The following UBE2V1 variants were observed in gnomAD, a reference collection of about 807,000 sequenced individuals.
The protein encoded by UBE2V1 is ubiquitin conjugating enzyme E2 V1, also known as ubiquitin-conjugating enzyme E2 variant 1.
UBE2V1 carries 15 observed loss-of-function variants against 19.6 expected under a neutral mutation model. The observed-to-expected ratio is 0.77, with a 90% confidence interval of 0.51 to 1.18. The LOEUF is 1.18. Ranked by LOEUF, UBE2V1 falls within the 50% of genes most tolerant of loss-of-function variation. The pLI is 0.00. For missense variants in UBE2V1, 125 were observed against 184.8 expected (o/e 0.68, Z 1.88); for synonymous variants, 60 against 60.7 (o/e 0.99, Z 0.05).
chr20:50,089,248 G>A (rs1270444848), intron 2 of UBE2V1, among the ~76,000 whole-genome samples: 3 of 152,184 alleles, frequency 2.0e-5, no homozygotes, highest in Non-Finnish European at 1.5e-5. Context: ...GGCTAAGGAA[G>A]AGGTCTGAAG....
Position 50,111,338 on chromosome 20 carries a change from C to T in UBE2V1, c.22+1769G>A, listed in dbSNP as rs1006719463. On this transcript the variant is annotated intron_variant, in intron 1 of 3. Coordinates refer to ENST00000371674, the MANE Select transcript of UBE2V1 (RefSeq NM_001032288.3). ...AGTTAGAACCGGGCAGCTGTTAACC[C>T]AGATTGTAGGTAGCCAACCGAGTGA... is the stretch of plus-strand genomic sequence containing the variant. The T allele has an allele frequency of 3.3e-5, 33 of 996,644 alleles. No individual in the cohort carries two copies. The African/African-American group carries it at 5.6e-4, about 17-fold the overall frequency. 61.7% of individuals were successfully genotyped at this position (996,644 alleles called of 1,614,324 possible). A position where few individuals can be genotyped will look rare whatever the true frequency, so the allele number is the denominator to read the frequency against.
rs1453217927 is a variant in UBE2V1 at position 50,093,998 on chromosome 20, A to T, written c.171+2674T>A. ...GCGAGACTCCAACTCAAAAAAAAAA[A>T]AAAAAAAAAAAAAATAATAATAATA... On this transcript the variant is annotated intron_variant, in intron 2 of 3. Transcript: ENST00000371674. 2.8e-3 allele frequency among the ~76,000 whole-genome samples: 357 copies of T among 128,192 alleles called. 4 individuals are homozygous for T. Among genetic ancestry groups the T allele is most frequent in the African/African-American group, 0.011 (343 of 30,922 alleles). 84.1% of individuals were successfully genotyped at this position (128,192 alleles called of 152,430 possible).
intron 1 of UBE2V1, among the ~76,000 whole-genome samples, chr20:50,107,890 G>A (rs534479624): frequency 3.9e-5 from 6 of 152,330 alleles, no homozygotes; most frequent in Admixed American, 1.3e-4. Context: ...AAAACAAGAA[G>A]CTGTGACAAT....
intron 2 of UBE2V1, among the ~76,000 whole-genome samples, chr20:50,085,804 C>T (rs2078881083): frequency 6.6e-6 from 1 of 152,176 alleles, no homozygotes; most frequent in Non-Finnish European, 1.5e-5. Context: ...CCTCTTCCTC[C>T]TCAGTGAATG....
intron 1 of UBE2V1, among the ~76,000 whole-genome samples, chr20:50,103,443 T>C (rs1275153242): frequency 6.6e-6 from 1 of 152,178 alleles, no homozygotes; most frequent in Non-Finnish European, 1.5e-5. Context: ...TCCCACTCTG[T>C]TACCCAGGCT....
At chr20:50,102,972 C>G (rs2080102734) in intron 1 of UBE2V1, among the ~76,000 whole-genome samples, 1 of 152,236 alleles carries the variant, frequency 6.6e-6, no homozygotes, top group Admixed American at 6.5e-5. Context: ...GAATGGCTGA[C>G]TGGTTCCCTT....
intron 2 of UBE2V1, chr20:50,095,745 G>T (rs2079579821): frequency 6.6e-6 from 1 of 152,244 alleles, no homozygotes; most frequent in Non-Finnish European, 1.5e-5. Context: ...CTTACTGCTT[G>T]TCTGAAGTGT....
intron 1 of UBE2V1, 117 bp downstream of exon 1, chr20:50,112,990 C>T (rs939079427): frequency 8.4e-5 from 37 of 443,028 alleles, no homozygotes; most frequent in African/African-American, 6.3e-4. Context: ...GCCGCGGAGC[C>T]CAGCAGACAG....
At position 50,096,792 on chromosome 20, in the gene UBE2V1, C is replaced by T. The variant is rs149484983; in HGVS notation, c.51G>A (p.Leu17=). Reference sequence around the variant, plus strand: ...TCTGGCCTTCTTCGAGTTCTTCCAACAGTCGGAAATTGCGAGGGACTTTTA... The same window carrying T: ...TCTGGCCTTCTTCGAGTTCTTCCAATAGTCGGAAATTGCGAGGGACTTTTA... ...SGVKVPRNFR[L]LEELEEGQKG... Residue 17 remains leucine (L), a synonymous_variant, in exon 2 of 4, where the codon CTG becomes CTA. Coordinates refer to ENST00000371674, the MANE Select transcript of UBE2V1 (RefSeq NM_001032288.3). 6.9e-5 allele frequency: 111 copies of T among 1,613,968 alleles called. No homozygotes were observed. The highest frequency in any genetic ancestry group is 5.2e-4 in the Admixed American group (31 of 60,002).
At chr20:50,115,428 G>T, upstream of UBE2V1, 3 of 1,451,048 alleles carry the variant, frequency 2.1e-6, no homozygotes, top group South Asian at 2.8e-5. Context: ...TGGACTTGGG[G>T]TCACTGTAAA....
rs78339556 is a variant in UBE2V1 at position 50,107,583 on chromosome 20, G to A, written c.22+5524C>T. Reference sequence around the variant, plus strand: ...ACCTCTATAAATACCACCAAATAAGGATAAGAGTTTCAGTTTTTTGAAAGG... The same window carrying A: ...ACCTCTATAAATACCACCAAATAAGAATAAGAGTTTCAGTTTTTTGAAAGG... On this transcript the variant is annotated intron_variant, in intron 1 of 3. Coordinates refer to ENST00000371674, the MANE Select transcript of UBE2V1 (RefSeq NM_001032288.3). Among the ~76,000 whole-genome samples the A allele has an allele frequency of 6.2e-3, 949 of 152,230 alleles. 19 individuals carry two copies. The highest frequency in any genetic ancestry group is 0.022 in the African/African-American group (903 of 41,544).
intron 2 of UBE2V1, among the ~76,000 whole-genome samples, chr20:50,089,005 G>C (rs911805914): frequency 1.3e-5 from 2 of 152,128 alleles, no homozygotes; most frequent in Admixed American, 6.5e-5. Context: ...TAACTGTTGG[G>C]GAGAAGAGTG....
chr20:50,108,158 T>C (rs2080512592), intron 1 of UBE2V1, among the ~76,000 whole-genome samples: 1 of 152,222 alleles, frequency 6.6e-6, no homozygotes, highest in Non-Finnish European at 1.5e-5. Flanking sequence ...TTCTGTCTCC[T>C]GTATAGAAAA....
At chr20:50,090,537 T>G (rs369343664) in intron 2 of UBE2V1, among the ~76,000 whole-genome samples, 1 of 151,128 alleles carries the variant, frequency 6.6e-6, no homozygotes, top group African/African-American at 2.4e-5. Context: ...AAGGACATTA[T>G]GCTAAGTGAA....
rs1335617435 is a variant in UBE2V1 at position 50,103,815 on chromosome 20, G to A, written c.23-6995C>T. On this transcript the variant is annotated intron_variant, in intron 1 of 3. Coordinates refer to ENST00000371674, the MANE Select transcript of UBE2V1 (RefSeq NM_001032288.3). Reference sequence around the variant, plus strand: ...CCCAAACACCTTTACTTCCACACAGGCATGTGTGGTATGTTTTCTTTACAT... The same window carrying A: ...CCCAAACACCTTTACTTCCACACAGACATGTGTGGTATGTTTTCTTTACAT... Among the ~76,000 whole-genome samples the A allele has an allele frequency of 3.3e-5, 5 of 152,028 alleles. No individual in the cohort carries two copies. The East Asian group carries it at 5.8e-4, about 18-fold the overall frequency.
Position 50,113,109 on chromosome 20 carries a change from G to T in UBE2V1, c.20C>A (p.Ser7Ter). Residue 7 changes from serine (S) to a stop codon, truncating the protein, a stop_gained and splice_region_variant, in exon 1 of 4, where the codon TCG becomes TAG. Coordinates refer to ENST00000371674, the MANE Select transcript of UBE2V1 (RefSeq NM_001032288.3). LOFTEE classifies it high-confidence loss of function. MAATTG[S>*]GVKVPRNFRL... ...CCGGGCCCGGCGCCCCCGCTCACCC[G>T]AGCCCGTGGTGGCTGCCATCTTGCG... 4 of 1,333,796 alleles carry T rather than the reference G, an allele frequency of 3.0e-6. No individual in the cohort carries two copies. Among genetic ancestry groups the T allele is most frequent in the East Asian group, 3.0e-5 (1 of 33,618 alleles). 82.6% of individuals were successfully genotyped at this position (1,333,796 alleles called of 1,614,324 possible).
At chr20:50,106,884 A>AC (rs1477061454) in intron 1 of UBE2V1, among the ~76,000 whole-genome samples, 1 of 150,820 alleles carries the variant, frequency 6.6e-6, no homozygotes, top group Admixed American at 6.6e-5. Flanking sequence ...CAAAAAAAAA[A>AC]AAACAAAAAA....
intron 1 of UBE2V1, chr20:50,111,357 C>T (rs569202501): frequency 3.2e-5 from 32 of 998,954 alleles, no homozygotes; most frequent in South Asian, 4.7e-5. Context: ...GGTAGCCAAC[C>T]GAGTGACTGC....
At chr20:50,111,019 T>C (rs1313419525) in intron 1 of UBE2V1, among the ~76,000 whole-genome samples, 2 of 152,230 alleles carry the variant, frequency 1.3e-5, no homozygotes, top group Non-Finnish European at 1.5e-5. Flanking sequence ...AATTGTCTTA[T>C]TTACTCCTTA....
Sources: gnomAD v4.1 joint callset for allele counts (sites outside exome capture counted in the v4.1 genomes callset) on GRCh38, gnomAD v4.1.1 for gene constraint, MANE v1.5 for transcripts, NCBI Gene and HGNC (gene_info 2026-07-23, HGNC 2026-07-21) for gene names.